The following LRMDA variants were observed in gnomAD, a reference collection of about 807,000 sequenced individuals.
LRMDA encodes leucine-rich melanocyte differentiation-associated protein.
In LRMDA, 18 loss-of-function variants were observed where a neutral mutation model predicts 29.8. The ratio of observed to expected loss-of-function variants is 0.60; its 90% CI spans 0.42 to 0.90. LRMDA has a LOEUF of 0.90. Ranked by LOEUF, LRMDA falls within the 40% of genes least tolerant of loss-of-function variation. The pLI, the probability that LRMDA is intolerant of heterozygous loss-of-function variation, is 0.00. For missense variants in LRMDA, 273 were observed against 273.9 expected (o/e 1.00, Z 0.02); for synonymous variants, 125 against 109.4 (o/e 1.14, Z -0.89).
intron 5 of LRMDA, among the ~76,000 whole-genome samples, chr10:76,197,422 A>C (rs1449160696): frequency 1.3e-5 from 2 of 152,186 alleles, no homozygotes; most frequent in Non-Finnish European, 2.9e-5. Context: ...CATACAAACT[A>C]GCGGTTATCT....
intron 5 of LRMDA, among the ~76,000 whole-genome samples, chr10:76,173,877 G>T (rs1850884664): frequency 6.6e-6 from 1 of 152,092 alleles, no homozygotes; most frequent in African/African-American, 2.4e-5. Flanking sequence ...AGCTAGGATG[G>T]TCTCAATCTT....
At chr10:76,529,605 C>A (rs1843213183) in intron 6 of LRMDA, among the ~76,000 whole-genome samples, 1 of 152,106 alleles carries the variant, frequency 6.6e-6, no homozygotes. Flanking sequence ...AGGTGGCCTG[C>A]AAACTACAAT....
intron 5 of LRMDA, among the ~76,000 whole-genome samples, chr10:76,311,426 A>C (rs1840628454): frequency 6.6e-6 from 1 of 152,214 alleles, no homozygotes; most frequent in Non-Finnish European, 1.5e-5. Flanking sequence ...TTTCACATTT[A>C]TGACTTTCTA....
intron 2 of LRMDA, among the ~76,000 whole-genome samples, chr10:75,681,673 A>G (rs1418158518): frequency 1.3e-5 from 2 of 152,184 alleles, no homozygotes; most frequent in Non-Finnish European, 2.9e-5. Context: ...CGCACATTAC[A>G]CAGCGAAATT....
At chr10:76,479,985 A>G (rs1208224174) in intron 6 of LRMDA, among the ~76,000 whole-genome samples, 1 of 151,948 alleles carries the variant, frequency 6.6e-6, no homozygotes, top group Non-Finnish European at 1.5e-5. Context: ...AGAATCTCTG[A>G]TGAATAATAA....
At chr10:75,675,468 C>T (rs949513496) in intron 2 of LRMDA, among the ~76,000 whole-genome samples, 1 of 152,184 alleles carries the variant, frequency 6.6e-6, no homozygotes, top group African/African-American at 2.4e-5. Context: ...AAATGTTAAA[C>T]TATGAAAAGC....
intron 2 of LRMDA, among the ~76,000 whole-genome samples, chr10:75,529,110 T>C (rs776312776): frequency 6.6e-6 from 1 of 152,172 alleles, no homozygotes; most frequent in African/African-American, 2.4e-5. Context: ...GAAATTGTTT[T>C]AGAACAGAGG....
intron 2 of LRMDA, among the ~76,000 whole-genome samples, chr10:75,483,866 G>GATTTTTT (rs1554893486): frequency 4.2e-5 from 1 of 23,948 alleles, no homozygotes; most frequent in Non-Finnish European, 1.1e-4. Context: ...AGTATGGAGA[G>GATTTTTT]GTTTTTTTTT....
At chr10:75,957,366 ATTC>A (rs1846681064) in intron 2 of LRMDA, among the ~76,000 whole-genome samples, 1 of 152,326 alleles carries the variant, frequency 6.6e-6, no homozygotes, top group Middle Eastern at 3.4e-3. Context: ...GCCCAGGCCT[ATTC>A]TTTGTTACAG....
chr10:76,346,854 C>T (rs1350050807), intron 6 of LRMDA, among the ~76,000 whole-genome samples: 3 of 152,182 alleles, frequency 2.0e-5, no homozygotes, highest in Non-Finnish European at 4.4e-5. Flanking sequence ...AGCCTGTGTT[C>T]TTTCCTCTGT....
intron 2 of LRMDA, among the ~76,000 whole-genome samples, chr10:75,520,205 C>T (rs2132036867): frequency 6.6e-6 from 1 of 152,202 alleles, no homozygotes; most frequent in African/African-American, 2.4e-5. Context: ...CTCTGTATTT[C>T]CCGAATTTGA....
At chr10:76,132,954 C>A (rs1420172005) in intron 5 of LRMDA, among the ~76,000 whole-genome samples, 4 of 150,182 alleles carry the variant, frequency 2.7e-5, no homozygotes, top group African/African-American at 7.4e-5. Flanking sequence ...AGGCATCCAC[C>A]ACCACGCCCG....
chr10:75,697,240 G>T (rs1286979517), intron 2 of LRMDA, among the ~76,000 whole-genome samples: 1 of 152,040 alleles, frequency 6.6e-6, no homozygotes, highest in Non-Finnish European at 1.5e-5. Flanking sequence ...TTGGTCTAGA[G>T]AATGATTTGA....
intron 2 of LRMDA, among the ~76,000 whole-genome samples, chr10:75,996,112 CTG>C (rs1334482758): frequency 6.6e-6 from 1 of 152,164 alleles, no homozygotes; most frequent in African/African-American, 2.4e-5. Flanking sequence ...TATAGGCAAT[CTG>C]TTTACACTTT....
chr10:75,745,169 G>T (rs536183592), intron 2 of LRMDA, among the ~76,000 whole-genome samples: 2 of 152,280 alleles, frequency 1.3e-5, no homozygotes, highest in African/African-American at 4.8e-5. Context: ...GGTGAAAAAG[G>T]TCAAATATTG....
At chr10:76,473,546 T>C (rs1842638777) in intron 6 of LRMDA, among the ~76,000 whole-genome samples, 2 of 151,094 alleles carry the variant, frequency 1.3e-5, no homozygotes, top group South Asian at 4.2e-4. Context: ...ATCAACTGGA[T>C]GCAGATTGGA....
chr10:76,012,208 GTTCCTC>G (rs1408412782), intron 2 of LRMDA, among the ~76,000 whole-genome samples: 3 of 152,282 alleles, frequency 2.0e-5, no homozygotes, highest in South Asian at 4.1e-4. Flanking sequence ...TCTGCACTGG[GTTCCTC>G]TCCTCGATGG....
chr10:75,691,122 A>G (rs56252013), intron 2 of LRMDA, among the ~76,000 whole-genome samples: 3,027 of 56,518 alleles, frequency 0.054, 84 homozygotes, highest in African/African-American at 0.12. Flanking sequence ...ATATATCTAT[A>G]TACATAGATA....
chr10:75,702,997 C>G (rs1437055483), intron 2 of LRMDA, among the ~76,000 whole-genome samples: 5 of 152,194 alleles, frequency 3.3e-5, no homozygotes, highest in Non-Finnish European at 7.3e-5. Context: ...TGCAAGTAGA[C>G]TGTTATATCT....
Sources: allele counts gnomAD v4.1 joint callset (sites outside exome capture counted in the v4.1 genomes callset), GRCh38; gene constraint gnomAD v4.1.1; transcripts MANE v1.5; gene names NCBI Gene and HGNC (gene_info 2026-07-23, HGNC 2026-07-21).